The following GRID2IP variants were observed in gnomAD, a reference collection of about 807,000 sequenced individuals.
The protein encoded by GRID2IP is Grid2 interacting protein.
In GRID2IP, 78 loss-of-function variants were observed where a neutral mutation model predicts 114.3. The observed-to-expected ratio is 0.68, with a 90% CI of 0.57 to 0.82. The LOEUF (loss-of-function observed/expected upper bound fraction) is 0.82. Ranked by LOEUF, GRID2IP falls within the 40% of genes least tolerant of loss-of-function variation. GRID2IP has a pLI of 0.00. For synonymous variants in GRID2IP, 809 were observed against 724.0 expected (o/e 1.12, Z -1.89); for missense variants, 1,727 against 1,678.5 (o/e 1.03, Z -0.51).
rs1583344420 is a variant in GRID2IP at position 6,521,049 on chromosome 7, C to A, written c.1085-288G>T. Among the ~76,000 whole-genome samples the A allele has an allele frequency of 3.3e-5, 5 of 152,234 alleles. No individual in the cohort carries two copies. The highest frequency in any genetic ancestry group is 3.3e-4 in the Admixed American group (5 of 15,288). On this transcript the variant is annotated intron_variant, in intron 6 of 21. Transcript: ENST00000457091. This position sits in a 1 kb window ranked among gnomAD's most constrained non-coding sequence, Gnocchi z 4.1. ...GCAATGGCGTGATCTCGGCTCACTG[C>A]AACCTCCGCTTCCTGGGTTCAAGTG... is the stretch of plus-strand genomic sequence containing the variant.
At chr7:6,504,933 G>A in intron 14 of GRID2IP, 63 bp from the exon 15 acceptor site, 1 of 1,389,570 alleles carries the variant, frequency 7.2e-7, no homozygotes, top group Admixed American at 2.0e-5. Flanking sequence ...GAAGGCCCAG[G>A]GGTGGCGTGG....
Position 6,551,420 on chromosome 7 carries a change from G to C in GRID2IP, c.17C>G (p.Thr6Arg). MATTA[T>R]PATNQGWPED... Reference sequence around the variant, plus strand: ...TGGCCAGCCCTGGTTCGTGGCCGGCGTGGCAGTGGTGGCCATGCACCTAGA... The same window carrying C: ...TGGCCAGCCCTGGTTCGTGGCCGGCCTGGCAGTGGTGGCCATGCACCTAGA... Residue 6 changes from threonine (T) to arginine (R), a missense_variant, in exon 1 of 22, where the codon ACG (threonine) becomes AGG (arginine). Coordinates refer to ENST00000457091, the MANE Select transcript of GRID2IP (RefSeq NM_001145118.2). 6.5e-7 allele frequency: 1 copy of C among 1,543,914 alleles called. No homozygotes were observed. The highest frequency in any genetic ancestry group is 8.7e-7 in the Non-Finnish European group (1 of 1,143,768).
At chr7:6,501,313 TGC>T (rs1321158075) in intron 20 of GRID2IP, among the ~76,000 whole-genome samples, 1 of 152,076 alleles carries the variant, frequency 6.6e-6, no homozygotes, top group Non-Finnish European at 1.5e-5. Flanking sequence ...ATCGTGCAAC[TGC>T]ACTCCAGCCT....
chr7:6,502,346 T>C (rs1408345165), intron 18 of GRID2IP, among the ~76,000 whole-genome samples: 3 of 152,042 alleles, frequency 2.0e-5, no homozygotes, highest in Non-Finnish European at 2.9e-5. Flanking sequence ...CACCTCAGTC[T>C]CCCAAGTAGC....
chr7:6,504,235 G>A (rs1274000434), intron 15 of GRID2IP, among the ~76,000 whole-genome samples: 2 of 149,798 alleles, frequency 1.3e-5, no homozygotes, highest in East Asian at 4.0e-4. Context: ...TGGCGGGTAG[G>A]AGCAAGGAAA....
chr7:6,550,974 C>CCTG, intron 1 of GRID2IP, 34 bp downstream of exon 1: 1 of 1,139,144 alleles, frequency 8.8e-7, no homozygotes, highest in Non-Finnish European at 1.1e-6. Flanking sequence ...GAGCCCCCTC[C>CCTG]TTCCCGCCCC....
chr7:6,526,764 A>T lies in GRID2IP; in HGVS notation c.590T>A (p.Phe197Tyr). 1 of 1,519,718 alleles carries T rather than the reference A, an allele frequency of 6.6e-7. No homozygotes were observed. 94.1% of individuals were successfully genotyped at this position (1,519,718 alleles called of 1,614,324 possible). A position where few individuals can be genotyped will look rare whatever the true frequency, so the allele number is the denominator to read the frequency against. Residue 197 changes from phenylalanine to tyrosine, a missense_variant, in exon 3 of 22, where the codon TTC becomes TAC. Phe to Tyr is a conservative substitution (Grantham distance 22, BLOSUM62 3). Transcript: ENST00000457091. The surrounding 1 kb of genome is among the most constrained non-coding windows in gnomAD (Gnocchi z 7.6). ...GCGCGCCCGGTGCTTCTTGGGGATG[A>T]AGATCCTGCCGGCGAGGACGGCGGA... ...CGPLLDNLRI[F>Y]IPKKHRARFD...
chr7:6,497,695 C>T lies in GRID2IP; in HGVS notation c.*79G>A, dbSNP rs1235385136. 10 of 1,095,040 alleles carry T rather than the reference C, an allele frequency of 9.1e-6. No individual in the cohort carries two copies. The highest frequency in any genetic ancestry group is 2.6e-4 in the Middle Eastern group (1 of 3,920). The allele number at this position is 1,095,040 out of a possible 1,614,324, so 67.8% of individuals were successfully genotyped here. ...CTCAGAGCCCGGGGCACAGTGGCCC[C>T]GGACCTCGGCAGTGTCTGGGCTGCC... On this transcript the variant is annotated 3_prime_UTR_variant, in exon 22 of 22. Transcript: ENST00000457091.
At chr7:6,543,062 G>A (rs187608104) in intron 1 of GRID2IP, among the ~76,000 whole-genome samples, 71 of 152,184 alleles carry the variant, frequency 4.7e-4, no homozygotes, top group African/African-American at 1.6e-3. Context: ...AACAGACTCC[G>A]CATCCTTCCC....
intron 1 of GRID2IP, 41 bp downstream of exon 1, chr7:6,550,967 C>T: frequency 8.6e-7 from 1 of 1,159,258 alleles, no homozygotes; most frequent in Non-Finnish European, 1.1e-6. Context: ...ACATTATGAG[C>T]CCCCTCCTTC....
At position 6,536,612 on chromosome 7, in the gene GRID2IP, C is replaced by T. The variant is rs1398547746; in HGVS notation, c.584+3106G>A. ...AGCCCGGCTGCCAGCAGCCGGGAGA[C>T]GAGCGAGCCAACTTCCTGGGGGACA... On this transcript the variant is annotated intron_variant, in intron 2 of 21. Coordinates refer to ENST00000457091, the MANE Select transcript of GRID2IP (RefSeq NM_001145118.2). The surrounding 1 kb of genome is among the most constrained non-coding windows in gnomAD (Gnocchi z 5.3). 1.3e-5 allele frequency among the ~76,000 whole-genome samples: 2 copies of T among 151,792 alleles called. No homozygotes were observed. Among genetic ancestry groups the T allele is most frequent in the East Asian group, 2.0e-4 (1 of 5,082 alleles).
At chr7:6,527,128 G>A (rs745904030) in intron 2 of GRID2IP, among the ~76,000 whole-genome samples, 1 of 151,998 alleles carries the variant, frequency 6.6e-6, no homozygotes, top group Non-Finnish European at 1.5e-5. Flanking sequence ...GCACCCGCCA[G>A]GCCAAGCCCT....
intron 18 of GRID2IP, 44 bp from the exon 19 acceptor site, chr7:6,502,162 A>T: frequency 2.0e-6 from 3 of 1,525,658 alleles, no homozygotes; most frequent in Non-Finnish European, 2.7e-6. Flanking sequence ...GGACCCCATC[A>T]GATGGGGTCA....
At chr7:6,542,600 G>T (rs117342956) in intron 1 of GRID2IP, among the ~76,000 whole-genome samples, 3,491 of 152,286 alleles carry the variant, frequency 0.023, 65 homozygotes, top group Middle Eastern at 0.058. Context: ...TGAGGCTGCA[G>T]TGAGCCAAGA....
chr7:6,536,871 T>C lies in GRID2IP; in HGVS notation c.584+2847A>G, dbSNP rs767244446. 6 of 559,214 alleles carry C rather than the reference T, an allele frequency of 1.1e-5. No homozygotes were observed. The highest frequency in any genetic ancestry group is 1.5e-5 in the South Asian group (1 of 65,622). 34.6% of individuals were successfully genotyped at this position (559,214 alleles called of 1,614,324 possible). ...GTGGCCTCTTTCGGTGGTGGTCGCC[T>C]ATGCTCCGCTGCAGAGCCGAGAGCT... On this transcript the variant is annotated intron_variant, in intron 2 of 21. Transcript: ENST00000457091. The surrounding 1 kb of genome is among the most constrained non-coding windows in gnomAD (Gnocchi z 5.3).
In GRID2IP at chr7:6,551,154, G is replaced by A. The variant is rs1779971887; in HGVS notation, c.283C>T (p.Pro95Ser). Residue 95 changes from proline to serine, a missense_variant, in exon 1 of 22, where the codon CCC becomes TCC. By Grantham distance (74) the Pro-to-Ser change is moderately conservative (BLOSUM62 -1). Transcript: ENST00000457091. The part of the protein sequence containing the change: ...PDGGPGPGSG[P>S]AAPTTVLRAP... The stretch of plus-strand genomic sequence containing the variant: ...CGCAAGACTGTGGTCGGGGCCGCGG[G>A]GCCGGATCCTGGGCCGGGGCCACCG... 1 of 1,340,500 alleles carries A rather than the reference G, an allele frequency of 7.5e-7. No homozygotes were observed. Among genetic ancestry groups the A allele is most frequent in the South Asian group, 1.8e-5 (1 of 55,866 alleles). The allele number at this position is 1,340,500 out of a possible 1,614,324, so 83.0% of individuals were successfully genotyped here.
intron 1 of GRID2IP, among the ~76,000 whole-genome samples, chr7:6,542,254 G>A (rs1037849265): frequency 4.4e-5 from 6 of 135,114 alleles, no homozygotes; most frequent in Non-Finnish European, 7.7e-5. Context: ...GCAGTGAGTC[G>A]AGATCTTGCC....
At chr7:6,503,407 G>A (rs1786473947) in intron 16 of GRID2IP, 84 bp downstream of exon 16, 1 of 1,324,062 alleles carries the variant, frequency 7.6e-7, no homozygotes, top group Non-Finnish European at 9.9e-7. Context: ...CCCCGAAGGC[G>A]CGCGGGACCC....
chr7:6,508,839 T>G lies in GRID2IP; in HGVS notation c.2127+119A>C. 2.8e-6 allele frequency: 4 copies of G among 1,423,428 alleles called. No homozygotes were observed. The highest frequency in any genetic ancestry group is 1.4e-5 in the African/African-American group (1 of 69,828). The allele number at this position is 1,423,428 out of a possible 1,614,324, so 88.2% of individuals were successfully genotyped here. ...GGATAGCTTGAGCTAGGGAGTGGGA[T>G]AGCCTGGGGAAGATCCCAAGGGCAG... On this transcript the variant is annotated intron_variant, in intron 12 of 21. Coordinates refer to ENST00000457091, the MANE Select transcript of GRID2IP (RefSeq NM_001145118.2). The surrounding 1 kb of genome is among the most constrained non-coding windows in gnomAD (Gnocchi z 5.6).
Sources: gnomAD v4.1 joint callset for allele counts (sites outside exome capture counted in the v4.1 genomes callset) on GRCh38, gnomAD v4.1.1 for gene constraint, Gnocchi (gnomAD v3.1) non-coding constraint, MANE v1.5 for transcripts, NCBI Gene and HGNC (gene_info 2026-07-23, HGNC 2026-07-21) for gene names.